LTV1: variants seen among roughly 807,000 people sequenced by gnomAD.
LTV1 encodes the protein LTV1 ribosome biogenesis factor.
Under a neutral mutation model 59.9 loss-of-function variants are expected in LTV1, and 39 were observed. That is an observed-to-expected ratio of 0.65 (90% CI 0.50 to 0.85). The LOEUF is 0.85. LTV1 is among the 40% of genes least tolerant of loss of function. The probability of loss-of-function intolerance (pLI) is 0.00; values close to 1 mark genes in which losing one functional copy is unlikely to be tolerated. For missense variants in LTV1, 493 were observed against 549.1 expected, an observed-to-expected ratio of 0.90 and a Z score of 1.02; for synonymous variants, 171 against 189.5, an observed-to-expected ratio of 0.90 and a Z score of 0.80.
Position 143,855,515 on chromosome 6 carries a change from G to GT in LTV1, c.398-1785dup, listed in dbSNP as rs1182870927. The stretch of plus-strand genomic sequence containing the variant: ...TGCTAGCTGGTTATTTTGCCCATTA[G>GT]TTTATGCAGTTTCTTCTTAGTATCG... On this transcript the variant is annotated intron_variant, in intron 4 of 10. Coordinates refer to ENST00000367576, the MANE Select transcript of LTV1 (RefSeq NM_032860.5). The surrounding 1 kb of genome is among the most constrained non-coding windows in gnomAD (Gnocchi z 4.6). 2.0e-5 allele frequency among the ~76,000 whole-genome samples: 3 copies of GT among 152,188 alleles called. No homozygotes were observed. The highest frequency in any genetic ancestry group is 4.4e-5 in the Non-Finnish European group (3 of 68,016).
rs779816703 is a variant in LTV1, at chr6:143,843,453, G to T, written c.-25G>T. Reference sequence around the variant, plus strand: ...GAGGGTGTCATCGCCGCCCCTGTTGGGGGTGAGCGCCGCGCGGCTGCAGCA... The same window carrying T: ...GAGGGTGTCATCGCCGCCCCTGTTGTGGGTGAGCGCCGCGCGGCTGCAGCA... On this transcript the variant is annotated 5_prime_UTR_variant, in exon 1 of 11. Coordinates refer to ENST00000367576, the MANE Select transcript of LTV1 (RefSeq NM_032860.5). 7.4e-6 allele frequency: 12 copies of T among 1,613,100 alleles called. No homozygotes were observed. Among genetic ancestry groups the T allele is most frequent in the Non-Finnish European group, 5.1e-6 (6 of 1,179,960 alleles).
intron 1 of LTV1, among the ~76,000 whole-genome samples, chr6:143,844,168 G>T (rs1337066831): frequency 6.6e-6 from 1 of 152,138 alleles, no homozygotes; most frequent in Admixed American, 6.6e-5. Flanking sequence ...GCATTTTCAC[G>T]TCACTGTCTT....
Position 143,846,162 on chromosome 6 carries a change from C to G in LTV1, c.247C>G (p.Pro83Ala). The change falls in exon 3 of 11, where the codon CCC (proline) becomes GCC (alanine). Residue 83 changes from proline to alanine, a missense_variant. Pro to Ala is a conservative substitution (Grantham distance 27, BLOSUM62 -1). Coordinates refer to ENST00000367576, the MANE Select transcript of LTV1 (RefSeq NM_032860.5). The stretch of plus-strand genomic sequence containing the variant: ...ACCATCTGGGCCTTCAGAGCTTATT[C>G]CCTCAAGTACCTTCAGTGCACACAA... ...KEPSGPSELI[P>A]SSTFSAHNRR... 6.2e-7 allele frequency: 1 copy of G among 1,614,188 alleles called. No homozygotes were observed. Among genetic ancestry groups the G allele is most frequent in the Non-Finnish European group, 8.5e-7 (1 of 1,180,016 alleles).
intron 3 of LTV1, 69 bp from the exon 4 acceptor site, chr6:143,850,062 T>C: frequency 7.9e-7 from 1 of 1,262,180 alleles, no homozygotes; most frequent in Non-Finnish European, 1.2e-6. Flanking sequence ...TGGGGGGGAC[T>C]TCAACCCGGT....
At chr6:143,852,648 C>T (rs755431741) in intron 4 of LTV1, among the ~76,000 whole-genome samples, 5 of 152,166 alleles carry the variant, frequency 3.3e-5, no homozygotes, top group Non-Finnish European at 7.3e-5. Context: ...TTGCCCATGC[C>T]TATATCCTGA....
At chr6:143,852,861 C>A (rs780572417) in intron 4 of LTV1, among the ~76,000 whole-genome samples, 1 of 152,118 alleles carries the variant, frequency 6.6e-6, no homozygotes, top group South Asian at 2.1e-4. Flanking sequence ...TTAGGATTGT[C>A]AAAGATCAGA....
At chr6:143,852,389 C>T (rs914211151) in intron 4 of LTV1, among the ~76,000 whole-genome samples, 1 of 152,022 alleles carries the variant, frequency 6.6e-6, no homozygotes. Context: ...AATATCTGTT[C>T]CTATCTTTTG....
chr6:143,860,509 C>T lies in LTV1; in HGVS notation c.879C>T (p.Arg293=). 1 of 1,613,578 alleles carries T rather than the reference C, an allele frequency of 6.2e-7. No individual in the cohort carries two copies. Among genetic ancestry groups the T allele is most frequent in the Non-Finnish European group, 8.5e-7 (1 of 1,179,758 alleles). Residue 293 remains arginine (R), a synonymous_variant, in exon 7 of 11, where the codon CGC becomes CGT. Coordinates refer to ENST00000367576, the MANE Select transcript of LTV1 (RefSeq NM_032860.5). The part of the protein sequence containing the change: ...LEGSIQVDSN[R]LQEVLNDYYK... The stretch of plus-strand genomic sequence containing the variant: ...GTTCTATTCAAGTGGACAGCAATCG[C>T]TTACAGGAAGTTTTGAATGACTACT...
chr6:143,858,120 TA>T lies in LTV1; in HGVS notation c.795+114del. 4.1e-6 allele frequency: 4 copies of T among 980,764 alleles called. No homozygotes were observed. In the South Asian group the frequency reaches 6.2e-5, roughly 15 times the overall value. 60.8% of individuals were successfully genotyped at this position (980,764 alleles called of 1,614,324 possible). A position where few individuals can be genotyped will look rare whatever the true frequency, so the allele number is the denominator to read the frequency against. ...TGCTCACCAACCACAAAGTCAATCA[TA>T]GGAAGTTTACAACTATCCAGCTATA... is the stretch of plus-strand genomic sequence containing the variant. On this transcript the variant is annotated intron_variant, in intron 6 of 10. Transcript: ENST00000367576.
In LTV1 at chr6:143,857,554, C is replaced by A; in HGVS notation, c.539+110C>A. On this transcript the variant is annotated intron_variant, in intron 5 of 10. Coordinates refer to ENST00000367576, the MANE Select transcript of LTV1 (RefSeq NM_032860.5). The surrounding 1 kb of genome is among the most constrained non-coding windows in gnomAD (Gnocchi z 5.2). Reference sequence around the variant, plus strand: ...GAAGAGACCTTCAAGAGCATTTAATCTGAGACTTCTGTATTTTAGAGCAGA... The same window carrying A: ...GAAGAGACCTTCAAGAGCATTTAATATGAGACTTCTGTATTTTAGAGCAGA... 2 of 1,138,410 alleles carry A rather than the reference C, an allele frequency of 1.8e-6. No homozygotes were observed. The highest frequency in any genetic ancestry group is 2.6e-6 in the Non-Finnish European group (2 of 781,490). The allele number at this position is 1,138,410 out of a possible 1,614,324, so 70.5% of individuals were successfully genotyped here.
chr6:143,860,954 G>A (rs896485191), intron 7 of LTV1, among the ~76,000 whole-genome samples: 3 of 150,974 alleles, frequency 2.0e-5, no homozygotes, highest in Non-Finnish European at 4.4e-5. Context: ...GGAATGCAGT[G>A]GTGCGATCTC....
intron 2 of LTV1, among the ~76,000 whole-genome samples, chr6:143,845,684 G>A (rs4896676): frequency 0.29 from 43,682 of 152,124 alleles, 6,508 homozygotes; most frequent in East Asian, 0.53. Flanking sequence ...GGCCCCCCAG[G>A]TCTTTTCTTA....
chr6:143,861,232 C>G (rs1777159307), intron 7 of LTV1, among the ~76,000 whole-genome samples: 1 of 151,732 alleles, frequency 6.6e-6, no homozygotes, highest in Non-Finnish European at 1.5e-5. Flanking sequence ...ATTTATTTTG[C>G]TTAAAAGTTT....
Position 143,863,107 on chromosome 6 carries a change from T to G in LTV1, c.1138T>G (p.Ser380Ala). ...TCAGCCCAAACAAATTCGAATATCTTCTAAAACAGGAATACCTCTCAATGT... is the reference window on the plus strand; with the variant it reads ...TCAGCCCAAACAAATTCGAATATCTGCTAAAACAGGAATACCTCTCAATGT... ...QPKPKQIRIS[S>A]KTGIPLNVLP... Residue 380 changes from serine (S) to alanine (A), a missense_variant, in exon 10 of 11, where the codon TCT becomes GCT. Transcript: ENST00000367576. This position sits in a 1 kb window ranked among gnomAD's most constrained non-coding sequence, Gnocchi z 4.5. 6.2e-7 allele frequency: 1 copy of G among 1,613,872 alleles called. No individual in the cohort carries two copies. Among genetic ancestry groups the G allele is most frequent in the Non-Finnish European group, 8.5e-7 (1 of 1,179,858 alleles).
chr6:143,847,661 G>A (rs181778763), intron 3 of LTV1, among the ~76,000 whole-genome samples: 3 of 152,168 alleles, frequency 2.0e-5, no homozygotes, highest in South Asian at 2.1e-4. Flanking sequence ...GCGCCCGGTC[G>A]TATAAGACTA....
At chr6:143,858,281 G>C in intron 6 of LTV1, 1 of 337,466 alleles carries the variant, frequency 3.0e-6, no homozygotes, top group Non-Finnish European at 5.7e-6. Flanking sequence ...TACATCACAC[G>C]CTTACACCAG....
chr6:143,858,348 A>T (rs1234883066), intron 6 of LTV1: 3 of 238,908 alleles, frequency 1.3e-5, no homozygotes, highest in Admixed American at 4.9e-5. Flanking sequence ...AGTAGCTGTA[A>T]TAGTTTTATT....
At chr6:143,851,454 C>T (rs1011643357) in intron 4 of LTV1, among the ~76,000 whole-genome samples, 1 of 152,026 alleles carries the variant, frequency 6.6e-6, no homozygotes, top group Non-Finnish European at 1.5e-5. Context: ...ATTTAAAGGC[C>T]AGTTTCTTCT....
intron 6 of LTV1, among the ~76,000 whole-genome samples, chr6:143,859,164 C>T (rs886471965): frequency 5.3e-5 from 8 of 152,158 alleles, no homozygotes; most frequent in African/African-American, 1.9e-4. Context: ...ATAACTAACA[C>T]TGAGGAATAG....
Sources: allele counts gnomAD v4.1 joint callset (sites outside exome capture counted in the v4.1 genomes callset), GRCh38; gene constraint gnomAD v4.1.1; non-coding constraint Gnocchi (gnomAD v3.1); transcripts MANE v1.5; gene names NCBI Gene and HGNC (gene_info 2026-07-23, HGNC 2026-07-21).